The following TNFSF14 variants were observed in gnomAD, a reference collection of about 807,000 sequenced individuals.
The protein encoded by TNFSF14 is tumor necrosis factor ligand superfamily member 14.
TNFSF14 carries 15 observed loss-of-function variants against 22.7 expected under a neutral mutation model. The observed-to-expected ratio is 0.66, with a 90% CI of 0.44 to 1.02. TNFSF14 has a LOEUF of 1.02. Among genes scored for constraint, TNFSF14 ranks in the 50% least tolerant of loss-of-function variants. The probability of loss-of-function intolerance (pLI) is 0.00; values close to 1 mark genes in which losing one functional copy is unlikely to be tolerated. For missense variants in TNFSF14, 287 were observed against 326.2 expected, an observed-to-expected ratio of 0.88 and a Z score of 0.93; for synonymous variants, 133 against 139.6, an observed-to-expected ratio of 0.95 and a Z score of 0.33.
chr19:6,670,329 T>G, upstream of TNFSF14: 1 of 1,297,282 alleles, frequency 7.7e-7, no homozygotes, highest in Non-Finnish European at 9.9e-7. Flanking sequence ...GTGACTCAGG[T>G]GGCAAGTGCA....
chr19:6,669,436 T>A (rs1481611691), intron 1 of TNFSF14, among the ~76,000 whole-genome samples: 4 of 152,042 alleles, frequency 2.6e-5, no homozygotes, highest in African/African-American at 9.7e-5. Flanking sequence ...TGAGCAGAGA[T>A]CATGCCATTG....
rs150366237 is a variant in TNFSF14, at chr19:6,665,727, C to T, written c.299-377G>A. On this transcript the variant is annotated intron_variant, in intron 3 of 3. Coordinates refer to ENST00000675206, the MANE Select transcript of TNFSF14 (RefSeq NM_001376887.1). ...CCCGGCCTCACATGTCTTACTCCTG[C>T]TGTGTGACTCCAGGCCAGTCACCAC... Among the ~76,000 whole-genome samples the T allele has an allele frequency of 2.0e-5, 3 of 151,670 alleles. No individual in the cohort carries two copies. The South Asian group carries it at 6.3e-4, about 32-fold the overall frequency.
chr19:6,669,757 C>T, intron 1 of TNFSF14, 94 bp downstream of exon 1: 3 of 1,531,478 alleles, frequency 2.0e-6, no homozygotes, highest in Non-Finnish European at 2.6e-6. Flanking sequence ...CACACACACA[C>T]ACACACACAC....
chr19:6,665,261 C>T lies in TNFSF14; in HGVS notation c.388G>A (p.Asp130Asn), dbSNP rs372967991. The T allele has an allele frequency of 1.6e-5, 26 of 1,613,704 alleles. No homozygotes were observed. The highest frequency in any genetic ancestry group is 2.1e-5 in the Non-Finnish European group (25 of 1,179,994). Residue 130 changes from aspartate to asparagine, a missense_variant, in exon 4 of 4, where the codon GAT becomes AAT. Asp to Asn is a conservative substitution (Grantham distance 23, BLOSUM62 1). Coordinates refer to ENST00000675206, the MANE Select transcript of TNFSF14 (RefSeq NM_001376887.1). The stretch of plus-strand genomic sequence containing the variant: ...GCTTTGGTGACCACAAGGGCCCCAT[C>T]GTGGTAGCTGAGGCCCCTCAGGAAG... The part of the protein sequence containing the change: ...LAFLRGLSYH[D>N]GALVVTKAGY...
Position 6,667,472 on chromosome 19 carries a change from C to T in TNFSF14, c.220-23G>A, listed in dbSNP as rs773833769. 27 of 1,570,774 alleles carry T rather than the reference C, an allele frequency of 1.7e-5. No homozygotes were observed. In the East Asian group the frequency reaches 3.8e-4, roughly 22 times the overall value. ...GTCCTGAAAATGCAGAAGGGGCCTG[C>T]GGTAAGAACCTGCAGCGGGGGCCAC... On this transcript the variant is annotated intron_variant, in intron 1 of 3. Coordinates refer to ENST00000675206, the MANE Select transcript of TNFSF14 (RefSeq NM_001376887.1).
At position 6,669,736 on chromosome 19, in the gene TNFSF14, CTA is replaced by C. The variant is rs764166466; in HGVS notation, c.219+113_219+114del. 6 of 1,306,976 alleles carry C rather than the reference CTA, an allele frequency of 4.6e-6. No individual in the cohort carries two copies. In the East Asian group the frequency reaches 1.5e-4, roughly 33 times the overall value. The allele number at this position is 1,306,976 out of a possible 1,614,324, so 81.0% of individuals were successfully genotyped here. ...AGCTGCTCTCAGCCTGTGCCCTGTC[CTA>C]CACACACACACACACACACACACAC... is the stretch of plus-strand genomic sequence containing the variant. On this transcript the variant is annotated intron_variant, in intron 1 of 3. Coordinates refer to ENST00000675206, the MANE Select transcript of TNFSF14 (RefSeq NM_001376887.1).
At position 6,667,102 on chromosome 19, in the gene TNFSF14, G is replaced by A. The variant is rs112040394; in HGVS notation, c.298+11C>T. The A allele has an allele frequency of 1.2e-6, 2 of 1,608,606 alleles. No individual in the cohort carries two copies. Among genetic ancestry groups the A allele is most frequent in the Non-Finnish European group, 8.5e-7 (1 of 1,178,162 alleles). Reference sequence around the variant, plus strand: ...CCCCTGCCCCTTGCCAGGATCCAGGGTCCCTCTCACCTGTGAGATGCGCTG... The same window carrying A: ...CCCCTGCCCCTTGCCAGGATCCAGGATCCCTCTCACCTGTGAGATGCGCTG... On this transcript the variant is annotated intron_variant, in intron 3 of 3. Transcript: ENST00000675206.
Position 6,664,395 on chromosome 19 carries a change from G to A in TNFSF14, c.*531C>T, listed in dbSNP as rs1363896835. The A allele has an allele frequency of 6.6e-6, 1 of 152,436 alleles. No individual in the cohort carries two copies. Among genetic ancestry groups the A allele is most frequent in the East Asian group, 1.9e-4 (1 of 5,204 alleles). The allele number at this position is 152,436 out of a possible 1,614,324, so 9.4% of individuals were successfully genotyped here. A position where few individuals can be genotyped will look rare whatever the true frequency, so the allele number is the denominator to read the frequency against. Reference sequence around the variant, plus strand: ...GGTTTTTGTCCTTAGTATTGTCCGTGGCAGGGTCTGCAGTCTACGTGGGTC... The same window carrying A: ...GGTTTTTGTCCTTAGTATTGTCCGTAGCAGGGTCTGCAGTCTACGTGGGTC... On this transcript the variant is annotated 3_prime_UTR_variant, in exon 4 of 4. Coordinates refer to ENST00000675206, the MANE Select transcript of TNFSF14 (RefSeq NM_001376887.1). The surrounding 1 kb of genome is among the most constrained non-coding windows in gnomAD (Gnocchi z 4.7).
chr19:6,670,160 T>C lies in TNFSF14; in HGVS notation c.-91A>G. The stretch of plus-strand genomic sequence containing the variant: ...CTCAACACTCCTGGGCTGTGCACGC[T>C]GCGGACAGGCACCCGTGGGCCGCCT... On this transcript the variant is annotated 5_prime_UTR_variant, in exon 1 of 4. Coordinates refer to ENST00000675206, the MANE Select transcript of TNFSF14 (RefSeq NM_001376887.1). The C allele has an allele frequency of 1.3e-6, 2 of 1,534,970 alleles. No homozygotes were observed. Among genetic ancestry groups the C allele is most frequent in the Admixed American group, 1.9e-5 (1 of 52,082 alleles).
chr19:6,667,488 CG>C (rs1917466731), intron 1 of TNFSF14, 39 bp from the exon 2 acceptor site: 7 of 1,567,638 alleles, frequency 4.5e-6, no homozygotes, highest in Non-Finnish European at 5.2e-6. Context: ...GAACCTGCAG[CG>C]GGGGCCACGC....
At position 6,667,428 on chromosome 19, in the gene TNFSF14, C is replaced by T. The variant is rs1182121700; in HGVS notation, c.241G>A (p.Glu81Lys). The change falls in exon 2 of 4, where the codon GAG (glutamate) becomes AAG (lysine). Residue 81 changes from glutamate to lysine, a missense_variant. Transcript: ENST00000675206. ...RLPDGPAGSW[E>K]QLIQERRSHE... is the part of the protein sequence containing the mutation. Reference sequence around the variant, plus strand: ...CCTGACTCACCTTGTATCAGCTGCTCCCAGGAGCCTGCAGGTCCGTCCTGA... The same window carrying T: ...CCTGACTCACCTTGTATCAGCTGCTTCCAGGAGCCTGCAGGTCCGTCCTGA... 6 of 1,555,800 alleles carry T rather than the reference C, an allele frequency of 3.9e-6. No homozygotes were observed. The highest frequency in any genetic ancestry group is 3.7e-5 in the South Asian group (3 of 81,934).
At chr19:6,668,384 T>G (rs561260607) in intron 1 of TNFSF14, among the ~76,000 whole-genome samples, 5 of 150,716 alleles carry the variant, frequency 3.3e-5, no homozygotes, top group African/African-American at 4.9e-5. Flanking sequence ...AATATGTAAT[T>G]AATTAAATAA....
rs957357164 is a variant in TNFSF14, at chr19:6,663,406, T to C, written c.*1520A>G. 13 of 151,566 alleles carry C rather than the reference T, an allele frequency of 8.6e-5. No individual in the cohort carries two copies. The highest frequency in any genetic ancestry group is 3.2e-4 in the African/African-American group (13 of 40,946). 9.4% of individuals were successfully genotyped at this position (151,566 alleles called of 1,614,324 possible). On this transcript the variant is annotated 3_prime_UTR_variant, in exon 4 of 4. Coordinates refer to ENST00000675206, the MANE Select transcript of TNFSF14 (RefSeq NM_001376887.1). ...TGTCATCGTGATGTTGTGTGTGTAA[T>C]GTGTGTTTGTCATCGTGATGTTGTG...
Position 6,665,408 on chromosome 19 carries a change from C to CTTGT in TNFSF14, c.299-62_299-59dup, listed in dbSNP as rs902203961. ...GGTCAGCACATGTCTTCCTCTGTTG[C>CTTGT]TTGTTTGTTTGTTTGTTTGACACAG... On this transcript the variant is annotated intron_variant, in intron 3 of 3. Coordinates refer to ENST00000675206, the MANE Select transcript of TNFSF14 (RefSeq NM_001376887.1). The CTTGT allele has an allele frequency of 8.5e-5, 123 of 1,446,326 alleles. No individual in the cohort carries two copies. The Middle Eastern group carries it at 1.2e-3, about 14-fold the overall frequency. The allele number at this position is 1,446,326 out of a possible 1,614,324, so 89.6% of individuals were successfully genotyped here. A position where few individuals can be genotyped will look rare whatever the true frequency, so the allele number is the denominator to read the frequency against.
intron 3 of TNFSF14, among the ~76,000 whole-genome samples, 171 bp downstream of exon 3, chr19:6,666,941 AT>A (rs1466085625): frequency 6.6e-6 from 1 of 151,874 alleles, no homozygotes; most frequent in African/African-American, 2.4e-5. Context: ...GAAATAAAAA[AT>A]AATAAAATAA....
chr19:6,664,690 C>G lies in TNFSF14; in HGVS notation c.*236G>C, dbSNP rs1333642179. The G allele has an allele frequency of 2.5e-6, 1 of 399,886 alleles. No homozygotes were observed. The highest frequency in any genetic ancestry group is 3.9e-5 in the Admixed American group (1 of 25,780). The allele number at this position is 399,886 out of a possible 1,614,324, so 24.8% of individuals were successfully genotyped here. A position where few individuals can be genotyped will look rare whatever the true frequency, so the allele number is the denominator to read the frequency against. ...TGAGTAGCTGGATTACAGGCAGGCA[C>G]CACCACGTCCGGCTAATTTTTGTAT... is the stretch of plus-strand genomic sequence containing the variant. On this transcript the variant is annotated 3_prime_UTR_variant, in exon 4 of 4. Transcript: ENST00000675206. This position sits in a 1 kb window ranked among gnomAD's most constrained non-coding sequence, Gnocchi z 4.7.
In TNFSF14 at chr19:6,664,600, G is replaced by A. The variant is rs552663883; in HGVS notation, c.*326C>T. 9.6e-6 allele frequency: 2 copies of A among 209,144 alleles called. No individual in the cohort carries two copies. The highest frequency in any genetic ancestry group is 1.1e-4 in the South Asian group (1 of 9,492). The allele number at this position is 209,144 out of a possible 1,614,324, so 13.0% of individuals were successfully genotyped here. ...GTTTCCCAGGTTGGAGTGCAGTGGT[G>A]TGATCTCGGCTCACTGCAACCTCCG... On this transcript the variant is annotated 3_prime_UTR_variant, in exon 4 of 4. Coordinates refer to ENST00000675206, the MANE Select transcript of TNFSF14 (RefSeq NM_001376887.1). This position sits in a 1 kb window ranked among gnomAD's most constrained non-coding sequence, Gnocchi z 4.7.
intron 3 of TNFSF14, 77 bp from the exon 4 acceptor site, chr19:6,665,427 G>A: frequency 7.1e-7 from 1 of 1,416,148 alleles, no homozygotes; most frequent in Non-Finnish European, 9.3e-7. Context: ...TTGTTTGTTT[G>A]ACACAGAGTC....
intron 1 of TNFSF14, among the ~76,000 whole-genome samples, chr19:6,667,764 G>A (rs544100703): frequency 6.6e-6 from 1 of 152,332 alleles, no homozygotes; most frequent in Admixed American, 6.5e-5. Context: ...TAATAGGTCG[G>A]GTGCATTGGC....
Sources: allele counts gnomAD v4.1 joint callset (sites outside exome capture counted in the v4.1 genomes callset), GRCh38; gene constraint gnomAD v4.1.1; non-coding constraint Gnocchi (gnomAD v3.1); transcripts MANE v1.5; gene names NCBI Gene and HGNC (gene_info 2026-07-23, HGNC 2026-07-21).